INTS13: variants seen among roughly 807,000 people sequenced by gnomAD.
INTS13 encodes the protein asunder, spermatogenesis regulator homolog (Drosphila).
In INTS13, 35 loss-of-function variants were observed where a neutral mutation model predicts 90.2. The ratio of observed to expected loss-of-function variants is 0.39; its 90% confidence interval spans 0.30 to 0.51. The LOEUF (loss-of-function observed/expected upper bound fraction) is 0.51. Among genes scored for constraint, INTS13 ranks in the 20% least tolerant of loss-of-function variants. The pLI is 0.80. For missense variants in INTS13, 601 were observed against 851.2 expected (o/e 0.71, Z 3.66); for synonymous variants, 309 against 277.1 (o/e 1.11, Z -1.14).
chr12:26,924,995 T>G lies in INTS13; in HGVS notation c.676-512A>C, dbSNP rs373776431. 2.6e-5 allele frequency among the ~76,000 whole-genome samples: 4 copies of G among 152,100 alleles called. No individual in the cohort carries two copies. The East Asian group carries it at 5.8e-4, about 22-fold the overall frequency. On this transcript the variant is annotated intron_variant, in intron 6 of 16. Transcript: ENST00000261191. ...ACAAGATAACACAAAATCTTACTCA[T>G]TCCAGGGCAATAATATTAATTACAA...
At chr12:26,925,883 G>C in intron 5 of INTS13, 32 bp from the exon 6 acceptor site, 1 of 1,459,450 alleles carries the variant, frequency 6.9e-7, no homozygotes, top group Admixed American at 1.7e-5. Flanking sequence ...TAAAATTTAA[G>C]AATACATAGT....
chr12:26,907,344 T>C (rs1165373637), intron 15 of INTS13, among the ~76,000 whole-genome samples: 1 of 152,134 alleles, frequency 6.6e-6, no homozygotes, highest in African/African-American at 2.4e-5. Context: ...AAATGTACAA[T>C]ATTTCAATGA....
intron 15 of INTS13, among the ~76,000 whole-genome samples, chr12:26,910,784 C>A (rs1458804592): frequency 6.6e-6 from 1 of 152,126 alleles, no homozygotes; most frequent in African/African-American, 2.4e-5. Context: ...AGAACTCTTC[C>A]TCACATACAC....
Position 26,911,316 on chromosome 12 carries a change from A to C in INTS13, c.1807T>G (p.Leu603Val). 1 of 1,607,014 alleles carries C rather than the reference A, an allele frequency of 6.2e-7. No individual in the cohort carries two copies. The highest frequency in any genetic ancestry group is 8.5e-7 in the Non-Finnish European group (1 of 1,177,964). ...TTTCCACGCTCTAAGATTCCTTTTAATCTTTTAGAGGGACAAATAATGAAA... is the reference window on the plus strand; with the variant it reads ...TTTCCACGCTCTAAGATTCCTTTTACTCTTTTAGAGGGACAAATAATGAAA... ...QEKSWQDSER[L>V]KGILERGKEE... The change falls in exon 15 of 17, where the codon TTA (leucine) becomes GTA (valine). Residue 603 changes from leucine (L) to valine (V), a missense_variant and splice_region_variant. Physicochemically the swap from Leu to Val is conservative, Grantham distance 32. Transcript: ENST00000261191.
At chr12:26,922,576 T>C (rs1469679031) in intron 8 of INTS13, 40 bp downstream of exon 8, 2 of 1,466,522 alleles carry the variant, frequency 1.4e-6, no homozygotes, top group Non-Finnish European at 1.9e-6. Flanking sequence ...TGCTTTCATA[T>C]GTTAGATCAT....
chr12:26,928,615 G>A, intron 4 of INTS13, 88 bp downstream of exon 4: 4 of 1,299,880 alleles, frequency 3.1e-6, no homozygotes, highest in Non-Finnish European at 4.4e-6. Flanking sequence ...ACGTAAACAT[G>A]TAAACATGCT....
intron 15 of INTS13, 30 bp from the exon 16 acceptor site, chr12:26,906,467 A>G (rs569230410): frequency 3.8e-6 from 6 of 1,576,736 alleles, no homozygotes. Context: ...GAGAGAGAAA[A>G]AAAAGATAGA....
chr12:26,917,182 T>A (rs886704868), intron 10 of INTS13, among the ~76,000 whole-genome samples, 170 bp downstream of exon 10: 1 of 152,020 alleles, frequency 6.6e-6, no homozygotes, highest in Non-Finnish European at 1.5e-5. Context: ...TATTTCAAAT[T>A]ACATAAGTTT....
chr12:26,913,589 A>G lies in INTS13; in HGVS notation c.1673T>C (p.Met558Thr). 1 of 1,614,026 alleles carries G rather than the reference A, an allele frequency of 6.2e-7. No homozygotes were observed. The highest frequency in any genetic ancestry group is 8.5e-7 in the Non-Finnish European group (1 of 1,179,994). Residue 558 changes from methionine to threonine, a missense_variant, in exon 14 of 17, where the codon ATG becomes ACG. Met to Thr is a moderately conservative substitution (Grantham distance 81, BLOSUM62 -1). Coordinates refer to ENST00000261191, the MANE Select transcript of INTS13 (RefSeq NM_018164.3). The stretch of plus-strand genomic sequence containing the variant: ...TTCTGGGGGTTTGCTCCTGCATGCC[A>G]TCAGACATTCCAAGACTCTTTGATG... ...EKHQRVLECLMACRSKPPEEE... is the reference protein window; with the variant it reads ...EKHQRVLECLTACRSKPPEEE...
chr12:26,928,742 C>T lies in INTS13; in HGVS notation c.464G>A (p.Gly155Glu). 6.2e-7 allele frequency: 1 copy of T among 1,614,090 alleles called. No individual in the cohort carries two copies. The change falls in exon 4 of 17, where the codon GGA (glycine) becomes GAA (glutamate). Residue 155 changes from glycine (G) to glutamate (E), a missense_variant. Gly to Glu is a moderately conservative substitution (Grantham distance 98). Around this residue, in one of 3 missense-constraint regions of INTS13, gnomAD observed 284 missense variants for 387.7 expected, o/e 0.73. Transcript: ENST00000261191. ...AATACAGATTATTCGTCCTCTATTT[C>T]CAACACGTTCTGCATTCTCCATGAG... ...TLLMENAERV[G>E]NRGRIICITN...
At chr12:26,912,779 G>A (rs1306427390) in intron 14 of INTS13, among the ~76,000 whole-genome samples, 1 of 151,138 alleles carries the variant, frequency 6.6e-6, no homozygotes, top group Admixed American at 6.6e-5. Context: ...CCAGGCTGGA[G>A]TGCAGTGGAG....
At position 26,910,522 on chromosome 12, in the gene INTS13, G is replaced by A. The variant is rs570258291; in HGVS notation, c.1945+656C>T. Among the ~76,000 whole-genome samples, 3 of 152,190 alleles carry A rather than the reference G, an allele frequency of 2.0e-5. No homozygotes were observed. In the South Asian group the frequency reaches 6.2e-4, roughly 32 times the overall value. The stretch of plus-strand genomic sequence containing the variant: ...CTCACTAGATCTGATAGTTTTATAA[G>A]GGGCTTCCTCTCCCTTTGCTCTGCC... On this transcript the variant is annotated intron_variant, in intron 15 of 16. Transcript: ENST00000261191.
chr12:26,928,967 C>T (rs1938039759), intron 3 of INTS13, 62 bp from the exon 4 acceptor site: 1 of 1,463,692 alleles, frequency 6.8e-7, no homozygotes, highest in Non-Finnish European at 9.4e-7. Context: ...AAAAATATCA[C>T]AAGAAAGAAA....
At chr12:26,938,281 C>T (rs1174537223), upstream of INTS13, 1 of 152,158 alleles carries the variant, frequency 6.6e-6, no homozygotes, top group Non-Finnish European at 1.5e-5. Flanking sequence ...GTCTCCCCTT[C>T]TCTGTCTCTC....
chr12:26,923,781 T>C (rs947502346), intron 7 of INTS13, among the ~76,000 whole-genome samples: 3 of 152,176 alleles, frequency 2.0e-5, no homozygotes, highest in African/African-American at 7.2e-5. Context: ...GTTAGACCTA[T>C]TAGCTATAAA....
rs139429530 is a variant in INTS13, at chr12:26,933,098, AGAGTAT to A, written c.300+1452_300+1457del. On this transcript the variant is annotated intron_variant, in intron 3 of 16. Transcript: ENST00000261191. ...GATATGACAAAAACAGACATAGTTA[AGAGTAT>A]AAGTCAAAGTTCTTGGAAATTAAAA... is the stretch of plus-strand genomic sequence containing the variant. Among the ~76,000 whole-genome samples the A allele has an allele frequency of 2.1e-3, 324 of 152,360 alleles. 9 individuals are homozygous for A. In the East Asian group the frequency reaches 0.054, roughly 25 times the overall value.
In INTS13 at chr12:26,913,968, A is replaced by AG. The variant is rs1555204747; in HGVS notation, c.1574+5_1574+6insC. The AG allele has an allele frequency of 6.3e-6, 10 of 1,595,264 alleles. No homozygotes were observed. In the African/African-American group the frequency reaches 8.1e-5, roughly 13 times the overall value. On this transcript the variant is annotated splice_donor_region_variant and intron_variant, in intron 13 of 16. Coordinates refer to ENST00000261191, the MANE Select transcript of INTS13 (RefSeq NM_018164.3). ...TCTATAAAGTAAGAAAGAAAAAAAA[A>AG]TGTACCTTTTAGGGCCCTTTCCTCT...
chr12:26,905,801 C>T (rs1205461552), intron 16 of INTS13, among the ~76,000 whole-genome samples: 1 of 152,086 alleles, frequency 6.6e-6, no homozygotes, highest in Non-Finnish European at 1.5e-5. Context: ...GACTATACCA[C>T]ACTCTCCCTT....
intron 14 of INTS13, among the ~76,000 whole-genome samples, chr12:26,912,360 C>G (rs973160815): frequency 2.0e-5 from 3 of 152,056 alleles, no homozygotes; most frequent in African/African-American, 7.2e-5. Flanking sequence ...TCACTTGAAC[C>G]CAGGAGGCAG....
Sources: allele counts gnomAD v4.1 joint callset (sites outside exome capture counted in the v4.1 genomes callset), GRCh38; gene constraint gnomAD v4.1.1; regional missense constraint gnomAD v4.1.1; transcripts MANE v1.5; gene names NCBI Gene and HGNC (gene_info 2026-07-23, HGNC 2026-07-21).